CHODL: variants seen among roughly 807,000 people sequenced by gnomAD.
CHODL encodes the protein transmembrane protein MT75.
In CHODL, 29 loss-of-function variants were observed where a neutral mutation model predicts 34.5. The ratio of observed to expected loss-of-function variants is 0.84; its 90% confidence interval spans 0.63 to 1.15. The LOEUF (loss-of-function observed/expected upper bound fraction) is 1.15, where lower values mean the gene tolerates loss of function less well. Ranked by LOEUF, CHODL falls within the 50% of genes most tolerant of loss-of-function variation. The probability of loss-of-function intolerance (pLI) is 0.00; values close to 1 mark genes in which losing one functional copy is unlikely to be tolerated. For synonymous variants in CHODL, 125 were observed against 116.1 expected (o/e 1.08, Z -0.49); for missense variants, 332 against 332.5 (o/e 1.00, Z 0.01).
chr21:18,136,651 C>T (rs73894758), intron 2 of CHODL, among the ~76,000 whole-genome samples: 1,776 of 145,272 alleles, frequency 0.012, 38 homozygotes, highest in African/African-American at 0.04. Flanking sequence ...ACGTTGGGGC[C>T]AAAAGAATCT....
intron 5 of CHODL, among the ~76,000 whole-genome samples, chr21:18,265,464 C>T (rs2074447619): frequency 6.6e-6 from 1 of 151,830 alleles, no homozygotes; most frequent in Admixed American, 6.6e-5. Context: ...CAAGTGGGAG[C>T]TAAGCTATGA....
At chr21:18,058,327 T>C (rs1019773922) in intron 2 of CHODL, among the ~76,000 whole-genome samples, 1 of 152,208 alleles carries the variant, frequency 6.6e-6, no homozygotes, top group Non-Finnish European at 1.5e-5. Context: ...AACTACCCTA[T>C]GATCCAGCAA....
intron 2 of CHODL, among the ~76,000 whole-genome samples, chr21:18,172,555 T>C (rs1261362934): frequency 6.8e-6 from 1 of 146,590 alleles, no homozygotes; most frequent in African/African-American, 2.6e-5. Context: ...ACAGCTTTCC[T>C]TACCCAGATT....
At chr21:18,148,418 G>A (rs986240595) in intron 2 of CHODL, among the ~76,000 whole-genome samples, 5 of 150,366 alleles carry the variant, frequency 3.3e-5, no homozygotes, top group Non-Finnish European at 5.9e-5. Flanking sequence ...TTATATGTAT[G>A]ATTTTTTTAA....
At chr21:18,058,704 T>C (rs867867331) in intron 2 of CHODL, among the ~76,000 whole-genome samples, 1 of 152,172 alleles carries the variant, frequency 6.6e-6, no homozygotes, top group African/African-American at 2.4e-5. Context: ...AATGGACTTT[T>C]TTTGGTTATA....
At chr21:18,166,514 G>A (rs986633412) in intron 2 of CHODL, among the ~76,000 whole-genome samples, 5 of 152,028 alleles carry the variant, frequency 3.3e-5, no homozygotes, top group African/African-American at 1.2e-4. Context: ...AAATCTTGGG[G>A]TCCGTCTTAA....
intron 2 of CHODL, among the ~76,000 whole-genome samples, chr21:18,074,875 T>G (rs1326277092): frequency 6.6e-6 from 1 of 152,040 alleles, no homozygotes; most frequent in African/African-American, 2.4e-5. Flanking sequence ...GTAGAAAGAA[T>G]GGGGAGTTGA....
chr21:18,019,962 C>T (rs1306196483), intron 1 of CHODL, among the ~76,000 whole-genome samples: 2 of 152,088 alleles, frequency 1.3e-5, no homozygotes, highest in Non-Finnish European at 2.9e-5. Context: ...CAAAACATGT[C>T]ACATGGCTAA....
At chr21:18,175,585 T>C (rs1187588885) in intron 2 of CHODL, among the ~76,000 whole-genome samples, 1 of 150,114 alleles carries the variant, frequency 6.7e-6, no homozygotes, top group Non-Finnish European at 1.5e-5. Context: ...AGTGCGAGAC[T>C]GTCTGGAGAA....
intron 1 of CHODL, among the ~76,000 whole-genome samples, chr21:17,969,964 C>T (rs1451490947): frequency 6.6e-6 from 1 of 152,138 alleles, no homozygotes; most frequent in Non-Finnish European, 1.5e-5. Flanking sequence ...GAGTAACACT[C>T]CTGGCCTCTT....
chr21:18,123,783 G>A (rs895698188), intron 2 of CHODL, among the ~76,000 whole-genome samples: 10 of 151,968 alleles, frequency 6.6e-5, no homozygotes, highest in South Asian at 4.1e-4. Flanking sequence ...TTTTTTGTGC[G>A]GGGCGGGTGG....
intron 1 of CHODL, among the ~76,000 whole-genome samples, chr21:17,964,487 A>G (rs2063556446): frequency 1.3e-5 from 2 of 152,258 alleles, no homozygotes; most frequent in Admixed American, 1.3e-4. Context: ...TACTGTGGCT[A>G]TGCTGTAAAA....
At chr21:18,135,829 C>G (rs1031899691) in intron 2 of CHODL, among the ~76,000 whole-genome samples, 1 of 152,196 alleles carries the variant, frequency 6.6e-6, no homozygotes, top group East Asian at 1.9e-4. Flanking sequence ...GAATTTCTGG[C>G]CAGGCGCAGT....
At chr21:18,139,337 T>G (rs983120548) in intron 2 of CHODL, among the ~76,000 whole-genome samples, 6 of 152,018 alleles carry the variant, frequency 3.9e-5, no homozygotes, top group Non-Finnish European at 8.8e-5. Context: ...GGAGGTAAAA[T>G]TGACCTCATG....
intron 4 of CHODL, among the ~76,000 whole-genome samples, chr21:18,260,950 C>G (rs1032284644): frequency 3.3e-5 from 5 of 152,096 alleles, no homozygotes; most frequent in Non-Finnish European, 7.4e-5. Context: ...CAGTGGAGAG[C>G]AAACAGGGGT....
At chr21:18,146,863 C>A (rs1235565837) in intron 2 of CHODL, among the ~76,000 whole-genome samples, 1 of 152,174 alleles carries the variant, frequency 6.6e-6, no homozygotes, top group Admixed American at 6.5e-5. Context: ...AGCTTATTGG[C>A]TTTTCTAGTG....
intron 1 of CHODL, among the ~76,000 whole-genome samples, chr21:18,001,025 G>A (rs1470462): frequency 0.13 from 20,194 of 152,108 alleles, 1,513 homozygotes; most frequent in South Asian, 0.3. Context: ...TCATAATCAT[G>A]ATCATCTAGT....
chr21:18,139,040 T>G (rs924717536), intron 2 of CHODL, among the ~76,000 whole-genome samples: 2 of 152,136 alleles, frequency 1.3e-5, no homozygotes, highest in African/African-American at 4.8e-5. Flanking sequence ...AAGATAATGC[T>G]GCAATCAGGT....
intron 2 of CHODL, among the ~76,000 whole-genome samples, chr21:18,063,197 T>C (rs532515363): frequency 3.7e-4 from 56 of 152,260 alleles, no homozygotes; most frequent in African/African-American, 1.3e-3. Context: ...CATTCATGAA[T>C]CCCTGAGGAA....
Sources: allele counts gnomAD v4.1 joint callset (sites outside exome capture counted in the v4.1 genomes callset), GRCh38; gene constraint gnomAD v4.1.1; transcripts MANE v1.5; gene names NCBI Gene and HGNC (gene_info 2026-07-23, HGNC 2026-07-21).